Variants in SPAG16 observed in about 807,000 individuals in gnomAD.
The protein encoded by SPAG16 is sperm-associated antigen 16 protein.
Under a neutral mutation model 80.4 loss-of-function variants are expected in SPAG16, and 86 were observed. The ratio of observed to expected loss-of-function variants is 1.07; its 90% confidence interval spans 0.90 to 1.28. The LOEUF (loss-of-function observed/expected upper bound fraction) is 1.28, where lower values mean the gene tolerates loss of function less well. Ranked by LOEUF, SPAG16 falls within the 50% of genes most tolerant of loss-of-function variation. The pLI is 0.00. For synonymous variants in SPAG16, 294 were observed against 265.9 expected, an observed-to-expected ratio of 1.11 and a Z score of -1.03; for missense variants, 870 against 765.3, an observed-to-expected ratio of 1.14 and a Z score of -1.61.
At chr2:214,130,391 G>T (rs2054706726) in intron 14 of SPAG16, among the ~76,000 whole-genome samples, 1 of 152,162 alleles carries the variant, frequency 6.6e-6, no homozygotes, top group African/African-American at 2.4e-5. Flanking sequence ...TATTAACTTT[G>T]AGAACCTCAG....
At chr2:213,698,739 C>G (rs2065266063) in intron 10 of SPAG16, among the ~76,000 whole-genome samples, 1 of 152,214 alleles carries the variant, frequency 6.6e-6, no homozygotes, top group Non-Finnish European at 1.5e-5. Flanking sequence ...AAGACAGGCT[C>G]TCTTGTCCTG....
chr2:213,998,412 T>C (rs2046628992), intron 12 of SPAG16, among the ~76,000 whole-genome samples: 1 of 152,216 alleles, frequency 6.6e-6, no homozygotes, highest in African/African-American at 2.4e-5. Flanking sequence ...CACTTTTACA[T>C]CTTCCTCATT....
intron 10 of SPAG16, among the ~76,000 whole-genome samples, chr2:213,507,234 G>A (rs922906424): frequency 6.6e-6 from 1 of 152,180 alleles, no homozygotes; most frequent in East Asian, 1.9e-4. Context: ...AGGGAATGAT[G>A]CTAAATAATT....
At chr2:213,422,351 C>G (rs2069650749) in intron 9 of SPAG16, 2 of 691,102 alleles carry the variant, frequency 2.9e-6, no homozygotes, top group African/African-American at 3.5e-5. Flanking sequence ...GATCCAGTGC[C>G]TGTGCCAGTG....
chr2:213,554,593 T>G (rs2059365970), intron 10 of SPAG16, among the ~76,000 whole-genome samples: 1 of 152,070 alleles, frequency 6.6e-6, no homozygotes. Flanking sequence ...TCGGTGAACT[T>G]CAATAAAATA....
At chr2:214,057,249 A>G (rs1259189746) in intron 13 of SPAG16, among the ~76,000 whole-genome samples, 2 of 151,454 alleles carry the variant, frequency 1.3e-5, no homozygotes, top group Non-Finnish European at 2.9e-5. Context: ...TATACCTTAT[A>G]AAGGTATTTC....
intron 10 of SPAG16, among the ~76,000 whole-genome samples, chr2:213,645,946 C>G (rs1290986028): frequency 6.6e-6 from 1 of 152,234 alleles, no homozygotes; most frequent in African/African-American, 2.4e-5. Context: ...ATCCAGGATT[C>G]TCCTCAGGCT....
At chr2:213,399,439 C>T (rs2068207272) in intron 9 of SPAG16, among the ~76,000 whole-genome samples, 1 of 151,866 alleles carries the variant, frequency 6.6e-6, no homozygotes, top group Admixed American at 6.6e-5. Flanking sequence ...ACTGTTTTCT[C>T]CATTAATATT....
At chr2:213,818,903 C>G (rs1269800394) in intron 10 of SPAG16, among the ~76,000 whole-genome samples, 1 of 152,146 alleles carries the variant, frequency 6.6e-6, no homozygotes, top group Non-Finnish European at 1.5e-5. Context: ...TGTAAGTTTT[C>G]TGAAGCCTCC....
intron 13 of SPAG16, among the ~76,000 whole-genome samples, chr2:214,038,459 G>A (rs992091701): frequency 6.6e-6 from 1 of 151,712 alleles, no homozygotes; most frequent in South Asian, 2.1e-4. Flanking sequence ...CTTTATCTTT[G>A]TTTTAGTCTT....
At chr2:214,183,834 T>G (rs1324907655) in intron 15 of SPAG16, among the ~76,000 whole-genome samples, 2 of 152,044 alleles carry the variant, frequency 1.3e-5, no homozygotes, top group Non-Finnish European at 2.9e-5. Flanking sequence ...AGCCTCCGTG[T>G]ATAGATTACC....
intron 12 of SPAG16, among the ~76,000 whole-genome samples, chr2:213,949,631 G>C (rs1575625646): frequency 6.6e-6 from 1 of 152,156 alleles, no homozygotes. Context: ...AAGCAAATAA[G>C]TTTTGACTGA....
At chr2:213,563,015 T>C (rs970827809) in intron 10 of SPAG16, among the ~76,000 whole-genome samples, 8 of 152,218 alleles carry the variant, frequency 5.3e-5, no homozygotes, top group Non-Finnish European at 7.3e-5. Context: ...ACATAGGAAT[T>C]TGGCATGGCG....
At chr2:214,338,443 G>A (rs1427852911) in intron 15 of SPAG16, among the ~76,000 whole-genome samples, 2 of 151,942 alleles carry the variant, frequency 1.3e-5, no homozygotes, top group African/African-American at 4.8e-5. Context: ...AACCTGAGAG[G>A]TTCACCCTGG....
intron 15 of SPAG16, among the ~76,000 whole-genome samples, chr2:214,177,805 A>T (rs2057143008): frequency 6.7e-6 from 1 of 148,216 alleles, no homozygotes; most frequent in Admixed American, 6.8e-5. Flanking sequence ...AATAAAAACC[A>T]TAAGTTTGTT....
chr2:214,384,442 A>G (rs1169253345), intron 15 of SPAG16, among the ~76,000 whole-genome samples: 1 of 152,224 alleles, frequency 6.6e-6, no homozygotes, highest in Non-Finnish European at 1.5e-5. Flanking sequence ...CTATGTCTCC[A>G]GTGTGACATT....
At chr2:213,792,058 C>G (rs1219003676) in intron 10 of SPAG16, among the ~76,000 whole-genome samples, 1 of 152,108 alleles carries the variant, frequency 6.6e-6, no homozygotes, top group Admixed American at 6.5e-5. Flanking sequence ...AAACACCAAG[C>G]CAGTATTCAT....
Position 213,472,813 on chromosome 2 carries a change from A to G in SPAG16, c.943-17150A>G, listed in dbSNP as rs866327036. Among the ~76,000 whole-genome samples the G allele has an allele frequency of 7.2e-5, 11 of 152,324 alleles. No individual in the cohort carries two copies. In the South Asian group the frequency reaches 8.3e-4, roughly 11 times the overall value. On this transcript the variant is annotated intron_variant, in intron 9 of 15. Coordinates refer to ENST00000331683, the MANE Select transcript of SPAG16 (RefSeq NM_024532.5). ...TGACATTTTGGGTCCCTAAGAATCA[A>G]TGTCAGCTCAGAGGCAGTGACCATT...
chr2:213,804,022 C>T (rs111584458), intron 10 of SPAG16, among the ~76,000 whole-genome samples: 1 of 152,194 alleles, frequency 6.6e-6, no homozygotes, highest in South Asian at 2.1e-4. Context: ...TCTTTCCAGC[C>T]TCTCCAACTC....
Sources: allele counts gnomAD v4.1 joint callset (sites outside exome capture counted in the v4.1 genomes callset), GRCh38; gene constraint gnomAD v4.1.1; transcripts MANE v1.5; gene names NCBI Gene and HGNC (gene_info 2026-07-23, HGNC 2026-07-21).